The following KLF7 variants were observed in gnomAD, a reference collection of about 807,000 sequenced individuals.
KLF7 encodes KLF transcription factor 7, also known as Krueppel-like factor 7.
A neutral mutation model predicts 27.3 loss-of-function variants in KLF7; 2 were observed. The ratio of observed to expected loss-of-function variants is 0.07; its 90% CI spans 0.03 to 0.23. KLF7 has a LOEUF of 0.23. KLF7 is among the 10% of genes least tolerant of loss of function. KLF7 has a pLI of 1.00. For synonymous variants in KLF7, 165 were observed against 162.4 expected (o/e 1.02, Z -0.12); for missense variants, 221 against 394.1 (o/e 0.56, Z 3.72).
chr2:207,090,121 G>C lies in KLF7; in HGVS notation c.734-1540C>G, dbSNP rs182474107. 2.9e-3 allele frequency among the ~76,000 whole-genome samples: 448 copies of C among 152,222 alleles called. 2 individuals carry two copies. Among genetic ancestry groups the C allele is most frequent in the Non-Finnish European group, 5.4e-3 (367 of 68,012 alleles). The stretch of plus-strand genomic sequence containing the variant: ...TGGTGCCCTAGTGAGCCACTGCTCT[G>C]TAAGACCCACAGAGAAGGGGAACGA... On this transcript the variant is annotated intron_variant, in intron 2 of 3. Transcript: ENST00000309446.
chr2:207,133,154 T>C (rs1390289004), intron 1 of KLF7, among the ~76,000 whole-genome samples: 1 of 152,182 alleles, frequency 6.6e-6, no homozygotes, highest in Admixed American at 6.5e-5. Context: ...TCCTATGCCC[T>C]CATCTCCCAA....
At chr2:207,119,423 A>T (rs1176342518) in intron 2 of KLF7, among the ~76,000 whole-genome samples, 1 of 152,104 alleles carries the variant, frequency 6.6e-6, no homozygotes, top group South Asian at 2.1e-4. Context: ...AACTATTAAG[A>T]TTTTTAAAAA....
At chr2:207,118,737 A>T (rs2105967612) in intron 2 of KLF7, among the ~76,000 whole-genome samples, 1 of 152,364 alleles carries the variant, frequency 6.6e-6, no homozygotes, top group South Asian at 2.1e-4. Context: ...TAATATTTGT[A>T]AAACATTTAG....
intron 1 of KLF7, 108 bp from the exon 2 acceptor site, chr2:207,124,512 G>A: frequency 2.8e-6 from 3 of 1,073,008 alleles, no homozygotes; most frequent in Non-Finnish European, 4.0e-6. Flanking sequence ...TGGTGTCATG[G>A]CTTGTATCAG....
chr2:207,089,787 T>C (rs2076469598), intron 2 of KLF7, among the ~76,000 whole-genome samples: 1 of 152,178 alleles, frequency 6.6e-6, no homozygotes, highest in Admixed American at 6.5e-5. Flanking sequence ...GCATATTATA[T>C]ATTAATTAGA....
At chr2:207,109,995 T>A (rs748209348) in intron 2 of KLF7, 2 of 154,812 alleles carry the variant, frequency 1.3e-5, no homozygotes, top group Non-Finnish European at 2.9e-5. Flanking sequence ...AAGTCAGCAG[T>A]ATTATCTCCA....
intron 1 of KLF7, among the ~76,000 whole-genome samples, chr2:207,160,958 G>C (rs1244214979): frequency 3.9e-5 from 6 of 152,198 alleles, no homozygotes; most frequent in African/African-American, 9.6e-5. Context: ...GGTAAGGAGT[G>C]GGGGTGGGAA....
At chr2:207,127,257 GAAGCAT>G (rs1209248693) in intron 1 of KLF7, among the ~76,000 whole-genome samples, 1 of 142,950 alleles carries the variant, frequency 7.0e-6, no homozygotes, top group African/African-American at 2.7e-5. Flanking sequence ...GAAAATTGAA[GAAGCAT>G]AAGTACCCAT....
intron 1 of KLF7, among the ~76,000 whole-genome samples, chr2:207,157,680 T>C (rs775722398): frequency 1.1e-4 from 17 of 152,306 alleles, no homozygotes; most frequent in Middle Eastern, 6.8e-3. Flanking sequence ...ACAGGGATTG[T>C]GGCAAGGCAA....
upstream of KLF7, chr2:207,166,150 G>T (rs1001058516): frequency 4.3e-5 from 42 of 985,446 alleles, no homozygotes; most frequent in Non-Finnish European, 5.1e-5. Context: ...CCGCGCAGCC[G>T]TGGGATCTCG....
intron 3 of KLF7, among the ~76,000 whole-genome samples, chr2:207,085,727 G>T (rs932018298): frequency 7.2e-5 from 11 of 152,186 alleles, no homozygotes; most frequent in Non-Finnish European, 1.6e-4. Flanking sequence ...AGCTCTTCTT[G>T]TAAGAAGAAA....
upstream of KLF7, among the ~76,000 whole-genome samples, chr2:207,170,339 G>A (rs1266061300): frequency 1.3e-5 from 2 of 152,178 alleles, no homozygotes; most frequent in African/African-American, 4.8e-5. Context: ...AGAAAAGTTG[G>A]AAGATAGCAG....
At chr2:207,140,497 T>C (rs751331047) in intron 1 of KLF7, among the ~76,000 whole-genome samples, 5 of 152,014 alleles carry the variant, frequency 3.3e-5, no homozygotes, top group Non-Finnish European at 7.4e-5. Flanking sequence ...AAAAAAAGCA[T>C]GTAAGAAATA....
At chr2:207,099,550 C>CTATATATATA (rs1359258095) in intron 2 of KLF7, among the ~76,000 whole-genome samples, 9 of 22,846 alleles carry the variant, frequency 3.9e-4, no homozygotes, top group Non-Finnish European at 7.1e-4. Context: ...GCTACATATG[C>CTATATATATA]GATATATATA....
rs773837364 is a variant in KLF7 at position 207,080,634 on chromosome 2, T to G, written c.*579A>C. 2.6e-6 allele frequency: 1 copy of G among 391,288 alleles called. No individual in the cohort carries two copies. The highest frequency in any genetic ancestry group is 2.1e-5 in the African/African-American group (1 of 48,454). The allele number at this position is 391,288 out of a possible 1,614,324, so 24.2% of individuals were successfully genotyped here. A position where few individuals can be genotyped will look rare whatever the true frequency, so the allele number is the denominator to read the frequency against. The stretch of plus-strand genomic sequence containing the variant: ...TGAGGAAGTCTGACGCACGGAATAG[T>G]AGGACTTTTCACACACAAAGGACAA... On this transcript the variant is annotated 3_prime_UTR_variant, in exon 4 of 4. Transcript: ENST00000309446.
At position 207,081,175 on chromosome 2, in the gene KLF7, A is replaced by G. The variant is rs1230111393; in HGVS notation, c.*38T>C. 2 of 1,598,432 alleles carry G rather than the reference A, an allele frequency of 1.3e-6. No homozygotes were observed. The highest frequency in any genetic ancestry group is 1.7e-6 in the Non-Finnish European group (2 of 1,165,750). ...CTGCCTCATGGCGTTTCCTTTAGAC[A>G]CTAGCCGATGCCATGGCAACTCTGG... On this transcript the variant is annotated 3_prime_UTR_variant, in exon 4 of 4. Coordinates refer to ENST00000309446, the MANE Select transcript of KLF7 (RefSeq NM_003709.4).
chr2:207,125,167 C>T (rs975831552), intron 1 of KLF7, among the ~76,000 whole-genome samples: 2 of 152,188 alleles, frequency 1.3e-5, no homozygotes, highest in African/African-American at 4.8e-5. Context: ...ATTTAGACCA[C>T]TTAAAGATAG....
At chr2:207,135,082 GTTTAAGT>G (rs2077747871) in intron 1 of KLF7, among the ~76,000 whole-genome samples, 1 of 152,178 alleles carries the variant, frequency 6.6e-6, no homozygotes, top group African/African-American at 2.4e-5. Flanking sequence ...GGATATAAAA[GTTTAAGT>G]AAGCAGGGGA....
At chr2:207,118,135 T>C (rs1275942438) in intron 2 of KLF7, among the ~76,000 whole-genome samples, 2 of 152,236 alleles carry the variant, frequency 1.3e-5, no homozygotes, top group Non-Finnish European at 2.9e-5. Context: ...AAGTTACTTT[T>C]TTGTTGTTGT....
Sources: gnomAD v4.1 joint callset for allele counts (sites outside exome capture counted in the v4.1 genomes callset) on GRCh38, gnomAD v4.1.1 for gene constraint, MANE v1.5 for transcripts, NCBI Gene and HGNC (gene_info 2026-07-23, HGNC 2026-07-21) for gene names.